Variants in LIN7A observed in about 807,000 individuals in gnomAD.
LIN7A encodes the protein lin-7 cell polarity scaffold A.
LIN7A carries 25 observed loss-of-function variants against 29.8 expected under a neutral mutation model. That is an observed-to-expected ratio of 0.84 (90% CI 0.61 to 1.17). The LOEUF (loss-of-function observed/expected upper bound fraction) is 1.17, where lower values mean the gene tolerates loss of function less well. LIN7A is among the 50% of genes most tolerant of loss of function. LIN7A has a pLI of 0.00. For synonymous variants in LIN7A, 118 were observed against 107.5 expected (o/e 1.10, Z -0.60); for missense variants, 239 against 287.0 (o/e 0.83, Z 1.21).
intron 1 of LIN7A, among the ~76,000 whole-genome samples, chr12:80,909,801 C>G (rs187199122): frequency 6.6e-6 from 1 of 151,450 alleles, no homozygotes; most frequent in East Asian, 1.9e-4. Context: ...CTTTTCAAAT[C>G]TGTTATTCTA....
chr12:80,906,187 C>G (rs553737621), intron 1 of LIN7A, among the ~76,000 whole-genome samples: 3 of 152,114 alleles, frequency 2.0e-5, no homozygotes, highest in Non-Finnish European at 4.4e-5. Context: ...GAGTGTTCTG[C>G]AAGGAAAAAT....
chr12:80,816,408 C>T (rs1451050452), intron 4 of LIN7A, among the ~76,000 whole-genome samples: 1 of 146,358 alleles, frequency 6.8e-6, no homozygotes, highest in Non-Finnish European at 1.5e-5. Context: ...AAGACTCTGT[C>T]TCAAAAAAAA....
intron 4 of LIN7A, among the ~76,000 whole-genome samples, chr12:80,825,876 C>T (rs1313906727): frequency 6.6e-6 from 1 of 152,078 alleles, no homozygotes; most frequent in Non-Finnish European, 1.5e-5. Flanking sequence ...AAATATCTAG[C>T]CTGTTTTATA....
At chr12:80,852,419 T>G (rs529863670) in intron 2 of LIN7A, among the ~76,000 whole-genome samples, 1 of 152,304 alleles carries the variant, frequency 6.6e-6, no homozygotes, top group South Asian at 2.1e-4. Context: ...ATTCTGGATC[T>G]CTTTTCTACA....
At chr12:80,869,867 T>G (rs1028592232) in intron 2 of LIN7A, among the ~76,000 whole-genome samples, 17 of 152,044 alleles carry the variant, frequency 1.1e-4, no homozygotes, top group Non-Finnish European at 1.5e-5. Context: ...ACCCTAACAG[T>G]GTTGCATGGA....
At chr12:80,835,570 A>T (rs569896416) in intron 4 of LIN7A, among the ~76,000 whole-genome samples, 1 of 152,340 alleles carries the variant, frequency 6.6e-6, no homozygotes, top group East Asian at 1.9e-4. Flanking sequence ...AGATAAAATT[A>T]TAAGAAAGAA....
chr12:80,879,645 C>CCAA (rs1555226530), intron 2 of LIN7A, among the ~76,000 whole-genome samples: 2 of 58,730 alleles, frequency 3.4e-5, no homozygotes, highest in Non-Finnish European at 5.3e-5. Context: ...TGGAGCAGCC[C>CCAA]AAAAAAAAAA....
At chr12:80,850,275 T>C (rs1324170885) in intron 2 of LIN7A, among the ~76,000 whole-genome samples, 1 of 152,164 alleles carries the variant, frequency 6.6e-6, no homozygotes, top group Non-Finnish European at 1.5e-5. Context: ...ATCCTCAATT[T>C]CCTCATTTTA....
chr12:80,829,278 G>GTA (rs1159592521), intron 4 of LIN7A, among the ~76,000 whole-genome samples: 1 of 152,192 alleles, frequency 6.6e-6, no homozygotes, highest in Non-Finnish European at 1.5e-5. Context: ...AGATGTAGAA[G>GTA]TATAGTCTGT....
intron 5 of LIN7A, 99 bp downstream of exon 5, chr12:80,811,366 A>T (rs1255621929): frequency 6.9e-6 from 3 of 436,016 alleles, no homozygotes; most frequent in Non-Finnish European, 8.1e-6. Flanking sequence ...TATATTTTAG[A>T]ACATATCTAA....
At chr12:80,925,497 T>C (rs1161711544) in intron 1 of LIN7A, among the ~76,000 whole-genome samples, 1 of 152,212 alleles carries the variant, frequency 6.6e-6, no homozygotes, top group Non-Finnish European at 1.5e-5. Flanking sequence ...GAAATAATTA[T>C]CATTGTTGGG....
chr12:80,855,628 C>T (rs1873556986), intron 2 of LIN7A, among the ~76,000 whole-genome samples: 1 of 152,044 alleles, frequency 6.6e-6, no homozygotes, highest in Admixed American at 6.6e-5. Flanking sequence ...TTCTTGAAAG[C>T]AGATTTTAGG....
chr12:80,854,066 C>G (rs1421976727), intron 2 of LIN7A, among the ~76,000 whole-genome samples: 3 of 152,152 alleles, frequency 2.0e-5, no homozygotes, highest in Non-Finnish European at 2.9e-5. Flanking sequence ...AACAGAGTAA[C>G]AGTTTCCTGC....
intron 4 of LIN7A, among the ~76,000 whole-genome samples, chr12:80,825,725 G>A (rs555207961): frequency 1.3e-4 from 19 of 150,958 alleles, no homozygotes; most frequent in African/African-American, 3.2e-4. Context: ...CTAGAATTCC[G>A]TCAATCAGAA....
chr12:80,878,526 G>A (rs1212983657), intron 2 of LIN7A, among the ~76,000 whole-genome samples: 2 of 152,172 alleles, frequency 1.3e-5, no homozygotes, highest in Non-Finnish European at 2.9e-5. Flanking sequence ...AGCTCTTAAA[G>A]GTGGCACAGA....
chr12:80,923,230 T>G (rs985027672), intron 1 of LIN7A, among the ~76,000 whole-genome samples: 1 of 152,212 alleles, frequency 6.6e-6, no homozygotes, highest in Admixed American at 6.5e-5. Flanking sequence ...GACTCTGGGA[T>G]TTATACCAGC....
chr12:80,910,853 A>G (rs1479533988), intron 1 of LIN7A, among the ~76,000 whole-genome samples: 1 of 151,958 alleles, frequency 6.6e-6, no homozygotes, highest in African/African-American at 2.4e-5. Flanking sequence ...ATTTTCCTAT[A>G]TTGTGTTTTT....
At chr12:80,807,066 T>TTTTTTTGTTTTTTTTTTTTTGTTTTG in intron 5 of LIN7A, among the ~76,000 whole-genome samples, 1 of 50,140 alleles carries the variant, frequency 2.0e-5, no homozygotes, top group Non-Finnish European at 4.0e-5. Context: ...AGATGGAGTT[T>TTTTTTTGTTTTTTTTTTTTTGTTTTG]TTTTTTTTTT....
chr12:80,930,516 T>TA (rs1310749405), intron 1 of LIN7A, among the ~76,000 whole-genome samples: 5 of 152,198 alleles, frequency 3.3e-5, no homozygotes, highest in Non-Finnish European at 5.9e-5. Flanking sequence ...TATTTATGGT[T>TA]AAAAAAATTG....
Sources: gnomAD v4.1 joint callset for allele counts (sites outside exome capture counted in the v4.1 genomes callset) on GRCh38, gnomAD v4.1.1 for gene constraint, MANE v1.5 for transcripts, NCBI Gene and HGNC (gene_info 2026-07-23, HGNC 2026-07-21) for gene names.